CLCN7: variants seen among roughly 807,000 people sequenced by gnomAD.
CLCN7 encodes Cl-/H+ antiporter 7.
Under a neutral mutation model 102.1 loss-of-function variants are expected in CLCN7, and 60 were observed. The observed-to-expected ratio is 0.59, with a 90% CI of 0.48 to 0.73. CLCN7 has a LOEUF of 0.73. CLCN7 is among the 30% of genes least tolerant of loss of function. The pLI is 0.00. For synonymous variants in CLCN7, 560 were observed against 490.5 expected (o/e 1.14, Z -1.87); for missense variants, 962 against 1,125.7 (o/e 0.85, Z 2.08).
chr16:1,447,602 G>T, intron 22 of CLCN7, 34 bp from the exon 23 acceptor site: 1 of 1,552,112 alleles, frequency 6.4e-7, no homozygotes, highest in Non-Finnish European at 8.7e-7. Context: ...CAGGCACCCA[G>T]GCAGCACCCC....
rs750591511 is a variant in CLCN7, at chr16:1,447,572, C to T, written c.2074-4G>A. 39 of 1,554,184 alleles carry T rather than the reference C, an allele frequency of 2.5e-5. No individual in the cohort carries two copies. The highest frequency in any genetic ancestry group is 8.2e-5 in the African/African-American group (6 of 73,214). On this transcript the variant is annotated splice_polypyrimidine_tract_variant and splice_region_variant and intron_variant, in intron 22 of 24. Transcript: ENST00000382745. ...GGTTGGACCGCTCCACAAACACCTG[C>T]GGGCGGCAGAGCCCTGTGTCAGGCA...
At chr16:1,456,271 G>T in intron 9 of CLCN7, 65 bp from the exon 10 acceptor site, 1 of 1,217,708 alleles carries the variant, frequency 8.2e-7, no homozygotes. Flanking sequence ...GAAAGGGAGA[G>T]CAACTGCCAG....
rs924866154 is a variant in CLCN7 at position 1,457,132 on chromosome 16, C to A, written c.822+122G>T. The A allele has an allele frequency of 1.8e-5, 17 of 942,610 alleles. No individual in the cohort carries two copies. The highest frequency in any genetic ancestry group is 9.1e-5 in the Admixed American group (5 of 55,004). 58.4% of individuals were successfully genotyped at this position (942,610 alleles called of 1,614,324 possible). On this transcript the variant is annotated intron_variant, in intron 9 of 24. Coordinates refer to ENST00000382745, the MANE Select transcript of CLCN7 (RefSeq NM_001287.6). This position sits in a 1 kb window ranked among gnomAD's most constrained non-coding sequence, Gnocchi z 5.4. Reference sequence around the variant, plus strand: ...CTGGCTCTGGGAGCCACCCGCCAGGCTGTCCTCAGATGGGGCTGGGGCTCT... The same window carrying A: ...CTGGCTCTGGGAGCCACCCGCCAGGATGTCCTCAGATGGGGCTGGGGCTCT...
chr16:1,456,710 G>A (rs1299055185), intron 9 of CLCN7, among the ~76,000 whole-genome samples: 3 of 151,902 alleles, frequency 2.0e-5, no homozygotes, highest in African/African-American at 7.3e-5. Flanking sequence ...GCGTGGTGGC[G>A]GGCACCTATA....
intron 2 of CLCN7, 125 bp downstream of exon 2, chr16:1,465,142 A>G (rs949431899): frequency 1.2e-6 from 1 of 822,342 alleles, no homozygotes; most frequent in Non-Finnish European, 2.1e-6. Context: ...CCCCAAGGAA[A>G]TCTTCCCTGA....
intron 16 of CLCN7, 70 bp from the exon 17 acceptor site, chr16:1,450,736 C>T: frequency 2.5e-6 from 3 of 1,221,262 alleles, no homozygotes; most frequent in South Asian, 2.9e-5. Context: ...GCCCCGCTGC[C>T]CAGTCTCGGG....
At chr16:1,446,931 G>T in intron 24 of CLCN7, 75 bp downstream of exon 24, 1 of 1,382,208 alleles carries the variant, frequency 7.2e-7, no homozygotes, top group Non-Finnish European at 1.0e-6. Context: ...CCTGCCGGGA[G>T]CTGAGAGTAA....
intron 7 of CLCN7, among the ~76,000 whole-genome samples, chr16:1,458,607 C>T (rs558025804): frequency 2.9e-4 from 44 of 152,342 alleles, no homozygotes; most frequent in Non-Finnish European, 4.4e-4. Context: ...CATCCTCAGA[C>T]GGGACGGGGC....
chr16:1,447,180 G>T, intron 23 of CLCN7, 94 bp from the exon 24 acceptor site: 1 of 1,276,100 alleles, frequency 7.8e-7, no homozygotes, highest in South Asian at 1.3e-5. Flanking sequence ...CCACCACGGC[G>T]TCCAGGCACG....
In CLCN7 at chr16:1,457,208, C is replaced by T. The variant is rs117974048; in HGVS notation, c.822+46G>A. On this transcript the variant is annotated intron_variant, in intron 9 of 24. Coordinates refer to ENST00000382745, the MANE Select transcript of CLCN7 (RefSeq NM_001287.6). This position sits in a 1 kb window ranked among gnomAD's most constrained non-coding sequence, Gnocchi z 5.4. ...CATCTCCCTGAGTGGTGCCCGTGCC[C>T]GTGCCCATGGCATCTGGAGCCCACC... The T allele has an allele frequency of 0.018, 28,030 of 1,549,640 alleles. 326 individuals carry two copies. Among genetic ancestry groups the T allele is most frequent in the Non-Finnish European group, 0.021 (23,700 of 1,121,490 alleles).
At chr16:1,449,134 G>C (rs771941883) in intron 18 of CLCN7, 41 bp from the exon 19 acceptor site, 1 of 1,611,638 alleles carries the variant, frequency 6.2e-7, no homozygotes, top group South Asian at 1.1e-5. Flanking sequence ...CCACCCTCCT[G>C]GCTCAGGGTC....
intron 1 of CLCN7, among the ~76,000 whole-genome samples, chr16:1,472,304 C>T (rs570100079): frequency 2.0e-5 from 3 of 152,136 alleles, no homozygotes; most frequent in South Asian, 2.1e-4. Context: ...GATCTCGGCT[C>T]AGTGCAACCT....
Position 1,449,312 on chromosome 16 carries a change from C to A in CLCN7, c.1633G>T (p.Gly545Cys). Residue 545 changes from glycine (G) to cysteine (C), a missense_variant, in exon 18 of 25, where the codon GGC becomes TGC. Transcript: ENST00000382745. ...LTGAAIWADP[G>C]KYALMGAAAQ... ...GCAGCTCCCATCAGGGCGTATTTGC[C>A]GGGGTCCGCCCAGATCTGTGGGAGG... The A allele has an allele frequency of 6.3e-7, 1 of 1,586,854 alleles. No individual in the cohort carries two copies. Among genetic ancestry groups the A allele is most frequent in the Non-Finnish European group, 8.6e-7 (1 of 1,167,008 alleles).
Position 1,445,468 on chromosome 16 carries a change from G to C in CLCN7, c.*1163C>G, listed in dbSNP as rs984493643. ...CCCACTCCCTGGGGAGGAAATACAC[G>C]GCAGGGGGCCGCACCCAGCCCCCCA... On this transcript the variant is annotated 3_prime_UTR_variant, in exon 25 of 25. Transcript: ENST00000382745. The C allele has an allele frequency of 6.6e-6, 1 of 151,790 alleles. No individual in the cohort carries two copies. The highest frequency in any genetic ancestry group is 1.5e-5 in the Non-Finnish European group (1 of 68,094). The allele number at this position is 151,790 out of a possible 1,614,324, so 9.4% of individuals were successfully genotyped here.
chr16:1,453,548 G>C (rs1306072260), intron 14 of CLCN7, among the ~76,000 whole-genome samples: 1 of 152,212 alleles, frequency 6.6e-6, no homozygotes, highest in African/African-American at 2.4e-5. Context: ...GTGAAGGTTG[G>C]GCATGCCTCG....
At chr16:1,464,987 T>C (rs889969877) in intron 2 of CLCN7, among the ~76,000 whole-genome samples, 29 of 151,788 alleles carry the variant, frequency 1.9e-4, no homozygotes, top group African/African-American at 7.0e-4. Flanking sequence ...ATCCCTGTCC[T>C]TGCCCTGTCC....
In CLCN7 at chr16:1,461,056, A is replaced by G. The variant is rs1447035398; in HGVS notation, c.352-108T>C. 7 of 1,403,352 alleles carry G rather than the reference A, an allele frequency of 5.0e-6. No individual in the cohort carries two copies. The African/African-American group carries it at 1.0e-4, about 20-fold the overall frequency. 86.9% of individuals were successfully genotyped at this position (1,403,352 alleles called of 1,614,324 possible). A position where few individuals can be genotyped will look rare whatever the true frequency, so the allele number is the denominator to read the frequency against. On this transcript the variant is annotated intron_variant, in intron 4 of 24. Coordinates refer to ENST00000382745, the MANE Select transcript of CLCN7 (RefSeq NM_001287.6). The stretch of plus-strand genomic sequence containing the variant: ...CAGGCCCCGGGATTATGAAGGGCCC[A>G]GTGTGCACGGTGCGCTGAGTCCCAC...
chr16:1,465,538 C>T (rs974573695), intron 1 of CLCN7, among the ~76,000 whole-genome samples, 200 bp from the exon 2 acceptor site: 3 of 152,198 alleles, frequency 2.0e-5, no homozygotes, highest in African/African-American at 4.8e-5. Context: ...ACTGATCCGG[C>T]TGCCCCTCGG....
At chr16:1,465,163 T>G in intron 2 of CLCN7, 104 bp downstream of exon 2, 1 of 1,142,866 alleles carries the variant, frequency 8.7e-7, no homozygotes, top group Non-Finnish European at 1.3e-6. Context: ...ACCCCGGCCC[T>G]GGGGCCCCAC....
Sources: allele counts gnomAD v4.1 joint callset (sites outside exome capture counted in the v4.1 genomes callset), GRCh38; gene constraint gnomAD v4.1.1; non-coding constraint Gnocchi (gnomAD v3.1); transcripts MANE v1.5; gene names NCBI Gene and HGNC (gene_info 2026-07-23, HGNC 2026-07-21).